The following SYT17 variants were observed in gnomAD, a reference collection of about 807,000 sequenced individuals.
The protein encoded by SYT17 is synaptotagmin-17.
In SYT17, 22 loss-of-function variants were observed where a neutral mutation model predicts 46.7. The ratio of observed to expected loss-of-function variants is 0.47; its 90% CI spans 0.34 to 0.67. The LOEUF (loss-of-function observed/expected upper bound fraction) is 0.67, where lower values mean the gene tolerates loss of function less well. Among genes scored for constraint, SYT17 ranks in the 30% least tolerant of loss-of-function variants. The pLI, the probability that SYT17 is intolerant of heterozygous loss-of-function variation, is 0.01. For missense variants in SYT17, 519 were observed against 612.8 expected, an observed-to-expected ratio of 0.85 and a Z score of 1.62; for synonymous variants, 251 against 248.4, an observed-to-expected ratio of 1.01 and a Z score of -0.10.
intron 7 of SYT17, among the ~76,000 whole-genome samples, chr16:19,238,686 G>A (rs1966884810): frequency 6.6e-6 from 1 of 152,226 alleles, no homozygotes; most frequent in African/African-American, 2.4e-5. Flanking sequence ...GATCCCCATG[G>A]GGGAGAGCAT....
In SYT17 at chr16:19,267,091, G is replaced by C. The variant is rs767775585; in HGVS notation, c.*15G>C. On this transcript the variant is annotated 3_prime_UTR_variant, in exon 8 of 8. Transcript: ENST00000355377. ...AGGTGACCTGAGGGCTGCAGGGAAG[G>C]CAGCTTTCATTTGTTTAAAAAAAAA... 1.7e-5 allele frequency: 26 copies of C among 1,524,022 alleles called. No individual in the cohort carries two copies. Among genetic ancestry groups the C allele is most frequent in the Non-Finnish European group, 2.2e-5 (25 of 1,140,582 alleles). The allele number at this position is 1,524,022 out of a possible 1,614,324, so 94.4% of individuals were successfully genotyped here.
At chr16:19,188,112 A>G (rs571605828) in intron 5 of SYT17, among the ~76,000 whole-genome samples, 1 of 152,342 alleles carries the variant, frequency 6.6e-6, no homozygotes, top group Non-Finnish European at 1.5e-5. Context: ...AGACTGGATA[A>G]AGAAAATGTG....
intron 1 of SYT17, chr16:19,172,332 TC>T: frequency 7.4e-7 from 1 of 1,351,680 alleles, no homozygotes; most frequent in East Asian, 2.8e-5. Flanking sequence ...CCAAGTAACA[TC>T]CACTGTGTGC....
chr16:19,186,677 C>T (rs1410967150), intron 5 of SYT17, among the ~76,000 whole-genome samples: 1 of 152,174 alleles, frequency 6.6e-6, no homozygotes, highest in East Asian at 1.9e-4. Context: ...CTGTAAATGC[C>T]TTCTGTCTCT....
At chr16:19,180,687 G>A (rs1202839568) in intron 4 of SYT17, 148 bp downstream of exon 4, 1 of 900,668 alleles carries the variant, frequency 1.1e-6, no homozygotes, top group Admixed American at 2.4e-5. Flanking sequence ...GAGAGATAAT[G>A]ACGGTGTGAC....
intron 5 of SYT17, among the ~76,000 whole-genome samples, chr16:19,188,893 C>A (rs944035925): frequency 2.0e-5 from 3 of 152,106 alleles, no homozygotes; most frequent in African/African-American, 7.2e-5. Flanking sequence ...TGTCTCTTCT[C>A]TTCTTTTTTT....
intron 7 of SYT17, among the ~76,000 whole-genome samples, chr16:19,232,221 A>G (rs1400565935): frequency 1.3e-5 from 2 of 151,818 alleles, no homozygotes; most frequent in African/African-American, 4.9e-5. Context: ...CCAGTGCAGG[A>G]CAGCTATGGA....
chr16:19,180,246 C>A, intron 3 of SYT17, 145 bp from the exon 4 acceptor site: 2 of 787,624 alleles, frequency 2.5e-6, no homozygotes, highest in Non-Finnish European at 4.1e-6. Flanking sequence ...AGTTTAAGGA[C>A]ACCACACTGT....
intron 5 of SYT17, among the ~76,000 whole-genome samples, chr16:19,184,359 G>C (rs1031410468): frequency 6.6e-6 from 1 of 151,540 alleles, no homozygotes; most frequent in Non-Finnish European, 1.5e-5. Flanking sequence ...GGAAATAGAT[G>C]TTGGTAACTA....
At chr16:19,201,520 G>T (rs1220054992) in intron 5 of SYT17, among the ~76,000 whole-genome samples, 1 of 152,054 alleles carries the variant, frequency 6.6e-6, no homozygotes, top group Non-Finnish European at 1.5e-5. Context: ...GTGGGGAAGG[G>T]AGGAGTGCTA....
At position 19,183,607 on chromosome 16, in the gene SYT17, G is replaced by C. The variant is rs144066449; in HGVS notation, c.411G>C (p.Glu137Asp). Residue 137 changes from glutamate to aspartate, a missense_variant, in exon 5 of 8, where the codon GAG becomes GAC. Glu to Asp is a conservative substitution (Grantham distance 45). Coordinates refer to ENST00000355377, the MANE Select transcript of SYT17 (RefSeq NM_016524.4). The surrounding 1 kb of genome is among the most constrained non-coding windows in gnomAD (Gnocchi z 5.6). Reference sequence around the variant, plus strand: ...TTGGCGTTCTCAGCGCCAAGAAGGAGCCCATCCAACCTTCGGTGCTCAGAC... The same window carrying C: ...TTGGCGTTCTCAGCGCCAAGAAGGACCCCATCCAACCTTCGGTGCTCAGAC... ...IEFGVLSAKK[E>D]PIQPSVLRRT... is the part of the protein sequence containing the mutation. 436 of 1,614,160 alleles carry C rather than the reference G, an allele frequency of 2.7e-4. No homozygotes were observed. Among genetic ancestry groups the C allele is most frequent in the Middle Eastern group, 4.9e-4 (3 of 6,062 alleles).
intron 5 of SYT17, among the ~76,000 whole-genome samples, chr16:19,200,749 T>C (rs1965428925): frequency 6.6e-6 from 1 of 152,222 alleles, no homozygotes; most frequent in African/African-American, 2.4e-5. Flanking sequence ...TGACTTTTAC[T>C]ACAGCTGGTG....
intron 5 of SYT17, among the ~76,000 whole-genome samples, chr16:19,190,893 A>G (rs1295343729): frequency 1.3e-5 from 2 of 151,776 alleles, no homozygotes; most frequent in African/African-American, 2.4e-5. Context: ...CCGTTTGGCT[A>G]TTATAAATAA....
chr16:19,174,816 C>T (rs149640923), intron 3 of SYT17, among the ~76,000 whole-genome samples: 23 of 152,314 alleles, frequency 1.5e-4, no homozygotes, highest in African/African-American at 5.1e-4. Flanking sequence ...TGTTGGTGAT[C>T]ATACATGTAA....
intron 7 of SYT17, among the ~76,000 whole-genome samples, chr16:19,227,175 G>A (rs1596983990): frequency 1.3e-5 from 2 of 152,156 alleles, no homozygotes; most frequent in East Asian, 3.9e-4. Context: ...CCCATAGTAA[G>A]CACTCTAGAA....
chr16:19,230,189 C>T lies in SYT17; in HGVS notation c.1228+5351C>T, dbSNP rs576054842. On this transcript the variant is annotated intron_variant, in intron 7 of 7. Coordinates refer to ENST00000355377, the MANE Select transcript of SYT17 (RefSeq NM_016524.4). ...TTGGGAGGCCGAAGTGGGTGGATCA[C>T]CTGAGGTGAGGAGTTTGAGACCAGC... is the stretch of plus-strand genomic sequence containing the variant. Among the ~76,000 whole-genome samples, 321 of 152,198 alleles carry T rather than the reference C, an allele frequency of 2.1e-3. 5 individuals are homozygous for T. Among genetic ancestry groups the T allele is most frequent in the Middle Eastern group, 6.8e-3 (2 of 294 alleles).
chr16:19,170,747 G>T (rs1964048956), intron 1 of SYT17: 1 of 152,142 alleles, frequency 6.6e-6, no homozygotes, highest in South Asian at 2.1e-4. Context: ...AATGGTCATA[G>T]ATTATTATGA....
intron 5 of SYT17, among the ~76,000 whole-genome samples, chr16:19,199,425 A>T (rs1965376626): frequency 6.6e-6 from 1 of 152,140 alleles, no homozygotes; most frequent in Non-Finnish European, 1.5e-5. Context: ...TTGCCTTTGA[A>T]AAACAGTCAT....
At chr16:19,244,562 T>TG (rs1967389048) in intron 7 of SYT17, among the ~76,000 whole-genome samples, 1 of 152,324 alleles carries the variant, frequency 6.6e-6, no homozygotes, top group Admixed American at 6.5e-5. Flanking sequence ...CTTGAACTCC[T>TG]GGCCTCAGGC....
Sources: allele counts gnomAD v4.1 joint callset (sites outside exome capture counted in the v4.1 genomes callset), GRCh38; gene constraint gnomAD v4.1.1; non-coding constraint Gnocchi (gnomAD v3.1); transcripts MANE v1.5; gene names NCBI Gene and HGNC (gene_info 2026-07-23, HGNC 2026-07-21).